Variants in RPAIN observed in about 807,000 individuals in gnomAD.
RPAIN encodes RPA interacting protein, also known as RPA-interacting protein.
RPAIN carries 29 observed loss-of-function variants against 30.5 expected under a neutral mutation model. The observed-to-expected ratio is 0.95, with a 90% confidence interval of 0.71 to 1.30. The LOEUF (loss-of-function observed/expected upper bound fraction) is 1.30, where lower values mean the gene tolerates loss of function less well. Among genes scored for constraint, RPAIN ranks in the 50% most tolerant of loss-of-function variants. The pLI, the probability that RPAIN is intolerant of heterozygous loss-of-function variation, is 0.00. For synonymous variants in RPAIN, 101 were observed against 93.5 expected (o/e 1.08, Z -0.46); for missense variants, 247 against 264.7 (o/e 0.93, Z 0.46).
chr17:5,425,631 C>T (rs184947926), intron 3 of RPAIN: 293 of 362,932 alleles, frequency 8.1e-4, no homozygotes, highest in African/African-American at 5.3e-3. Context: ...TCACCGTGCC[C>T]GGCCAGCAAT....
intron 3 of RPAIN, among the ~76,000 whole-genome samples, chr17:5,423,958 T>C (rs989329527): frequency 6.6e-6 from 1 of 150,790 alleles, no homozygotes; most frequent in Non-Finnish European, 1.5e-5. Flanking sequence ...CTAAAGATGA[T>C]AAAAACAAGA....
At chr17:5,430,472 A>C (rs762565570) in intron 6 of RPAIN, 4 of 153,106 alleles carry the variant, frequency 2.6e-5, no homozygotes, top group Non-Finnish European at 5.8e-5. Flanking sequence ...CATCTCAAAA[A>C]AAGCAAAACA....
At chr17:5,426,176 A>G in intron 4 of RPAIN, 60 bp from the exon 5 acceptor site, 2 of 1,587,700 alleles carry the variant, frequency 1.3e-6, no homozygotes, top group Non-Finnish European at 1.7e-6. Flanking sequence ...CCTGAAATTC[A>G]AGGTTTGGAG....
At chr17:5,431,486 A>T (rs183904601) in intron 6 of RPAIN, 1 of 332,152 alleles carries the variant, frequency 3.0e-6, no homozygotes, top group South Asian at 2.2e-5. Flanking sequence ...TTGTGCCTTA[A>T]AAAAAAAAAA....
At chr17:5,426,104 T>A in intron 4 of RPAIN, 22 bp downstream of exon 4, 3 of 1,589,176 alleles carry the variant, frequency 1.9e-6, no homozygotes, top group Non-Finnish European at 2.6e-6. Context: ...TAAAACCTTT[T>A]CAGCATTATT....
At chr17:5,431,642 G>C (rs1272507639) in intron 6 of RPAIN, 5 of 456,658 alleles carry the variant, frequency 1.1e-5, no homozygotes, top group African/African-American at 1.0e-4. Flanking sequence ...AGAATCCAGT[G>C]AGGTCAGGAC....
chr17:5,421,211 TAATGTTTTCTC>T, intron 1 of RPAIN, 74 bp from the exon 2 acceptor site: 1 of 1,362,996 alleles, frequency 7.3e-7, no homozygotes, highest in Non-Finnish European at 1.0e-6. Context: ...AAACTTTCTT[TAATGTTTTCTC>T]AACTAATGTA....
At chr17:5,429,102 T>A in intron 6 of RPAIN, 1 of 985,304 alleles carries the variant, frequency 1.0e-6, no homozygotes, top group South Asian at 4.7e-5. Context: ...AATACACATC[T>A]CTCACAGAGC....
intron 6 of RPAIN, chr17:5,432,287 C>T (rs1307087283): frequency 4.5e-6 from 2 of 443,704 alleles, no homozygotes; most frequent in Non-Finnish European, 8.1e-6. Flanking sequence ...ATTAGTTCAT[C>T]TACAGGATTT....
chr17:5,424,111 C>T (rs1458981499), intron 3 of RPAIN, among the ~76,000 whole-genome samples: 1 of 151,690 alleles, frequency 6.6e-6, no homozygotes, highest in Non-Finnish European at 1.5e-5. Flanking sequence ...TCTCAGCCTC[C>T]CGAGTAGCTG....
In RPAIN at chr17:5,429,076, C is replaced by T. The variant is rs1915669122; in HGVS notation, c.630+865C>T. On this transcript the variant is annotated intron_variant, in intron 6 of 6. Coordinates refer to ENST00000381209, the MANE Select transcript of RPAIN (RefSeq NM_001033002.4). ...CATTAAAAAAAAAATGAATTGAGGA[C>T]TCATTAACATTGAGAAATACACATC... The T allele has an allele frequency of 5.1e-6, 5 of 984,804 alleles. No homozygotes were observed. The South Asian group carries it at 1.9e-4, about 37-fold the overall frequency. The allele number at this position is 984,804 out of a possible 1,614,324, so 61.0% of individuals were successfully genotyped here.
At chr17:5,431,883 C>A in intron 6 of RPAIN, 1 of 324,810 alleles carries the variant, frequency 3.1e-6, no homozygotes, top group Non-Finnish European at 6.0e-6. Context: ...CCACTTATGC[C>A]TACTGTTTAA....
At chr17:5,420,384 G>C in intron 1 of RPAIN, 93 bp downstream of exon 1, 1 of 1,107,706 alleles carries the variant, frequency 9.0e-7, no homozygotes, top group Non-Finnish European at 1.3e-6. Flanking sequence ...CGTGGAGCAG[G>C]TGCCGCAGCG....
intron 6 of RPAIN, chr17:5,428,519 T>G (rs776262194): frequency 7.3e-7 from 1 of 1,363,424 alleles, no homozygotes; most frequent in African/African-American, 1.5e-5. Context: ...TTCATAGTCA[T>G]AAGACCCAGA....
chr17:5,431,296 G>A (rs529824766), intron 6 of RPAIN: 12 of 370,648 alleles, frequency 3.2e-5, no homozygotes, highest in South Asian at 2.3e-4. Context: ...AGACCAGCCT[G>A]GGCAACATGG....
At chr17:5,425,667 G>A (rs1030776166) in intron 3 of RPAIN, among the ~76,000 whole-genome samples, 1 of 150,360 alleles carries the variant, frequency 6.7e-6, no homozygotes, top group Admixed American at 6.7e-5. Flanking sequence ...ACTTTATTTA[G>A]TTGCCTGTGG....
chr17:5,428,292 T>C (rs1915600637), intron 6 of RPAIN, 81 bp downstream of exon 6: 3 of 1,602,828 alleles, frequency 1.9e-6, no homozygotes, highest in Admixed American at 3.4e-5. Context: ...AATAATGACC[T>C]ATAAACAGGT....
At chr17:5,427,458 A>C (rs1371988145) in intron 5 of RPAIN, 1 of 152,254 alleles carries the variant, frequency 6.6e-6, no homozygotes, top group African/African-American at 2.4e-5. Context: ...TTACATAAAC[A>C]ACTTCTATAA....
rs571629586 is a variant in RPAIN at position 5,425,396 on chromosome 17, C to T, written c.314-575C>T. 31 of 447,082 alleles carry T rather than the reference C, an allele frequency of 6.9e-5. No homozygotes were observed. The East Asian group carries it at 1.9e-3, about 27-fold the overall frequency. The allele number at this position is 447,082 out of a possible 1,614,324, so 27.7% of individuals were successfully genotyped here. ...TGTCACTCAGGCTGGAGTGCAGTGG[C>T]GCAATCTCGGATCACTGCAACCTCC... On this transcript the variant is annotated intron_variant, in intron 3 of 6. Coordinates refer to ENST00000381209, the MANE Select transcript of RPAIN (RefSeq NM_001033002.4).
Sources: allele counts gnomAD v4.1 joint callset (sites outside exome capture counted in the v4.1 genomes callset), GRCh38; gene constraint gnomAD v4.1.1; transcripts MANE v1.5; gene names NCBI Gene and HGNC (gene_info 2026-07-23, HGNC 2026-07-21).